MAP7D1: variants seen among roughly 807,000 people sequenced by gnomAD.
MAP7D1 encodes the protein MAP7 domain containing 1.
Under a neutral mutation model 97.5 loss-of-function variants are expected in MAP7D1, and 30 were observed. That is an observed-to-expected ratio of 0.31 (90% confidence interval 0.23 to 0.42). MAP7D1 has a LOEUF of 0.42. Ranked by LOEUF, MAP7D1 falls within the 10% of genes least tolerant of loss-of-function variation. The pLI is 1.00. For missense variants in MAP7D1, 1,184 were observed against 1,179.5 expected, an observed-to-expected ratio of 1.00 and a Z score of -0.06; for synonymous variants, 536 against 477.1, an observed-to-expected ratio of 1.12 and a Z score of -1.61.
At chr1:36,161,910 T>A (rs12239824) in intron 1 of MAP7D1, among the ~76,000 whole-genome samples, 1,857 of 105,582 alleles carry the variant, frequency 0.018, 16 homozygotes, top group African/African-American at 0.02. Flanking sequence ...TGTGTGTGTG[T>A]GAGAGAGAGA....
chr1:36,175,754 G>A (rs1384205064), intron 6 of MAP7D1, among the ~76,000 whole-genome samples: 1 of 152,208 alleles, frequency 6.6e-6, no homozygotes, highest in Non-Finnish European at 1.5e-5. Flanking sequence ...CCTGGCACAG[G>A]ACTGCTAAAA....
At chr1:36,171,380 C>A (rs1644541111) in intron 2 of MAP7D1, 65 bp downstream of exon 2, 1 of 1,537,840 alleles carries the variant, frequency 6.5e-7, no homozygotes, top group African/African-American at 1.4e-5. Flanking sequence ...CTGGATCATG[C>A]CAACTGAAAG....
intron 3 of MAP7D1, 70 bp downstream of exon 3, chr1:36,171,651 GC>G: frequency 1.3e-6 from 2 of 1,553,454 alleles, no homozygotes; most frequent in Non-Finnish European, 1.8e-6. Flanking sequence ...ACACCAACAG[GC>G]TGGGGCGCAG....
intron 1 of MAP7D1, among the ~76,000 whole-genome samples, chr1:36,164,941 C>T (rs1255183704): frequency 1.3e-5 from 2 of 152,184 alleles, no homozygotes; most frequent in South Asian, 2.1e-4. Flanking sequence ...GTGCCAGGCT[C>T]TGTTGGCCCT....
chr1:36,178,917 G>A lies in MAP7D1; in HGVS notation c.2026-4G>A. The A allele has an allele frequency of 6.4e-7, 1 of 1,553,456 alleles. No homozygotes were observed. The highest frequency in any genetic ancestry group is 1.2e-5 in the South Asian group (1 of 84,198). The stretch of plus-strand genomic sequence containing the variant: ...TGCCCCACGCTCATGGGGGTCTTTG[G>A]CAGAAAGAGGAGGCCGAAGCTCGGT... On this transcript the variant is annotated splice_polypyrimidine_tract_variant and splice_region_variant and intron_variant, in intron 11 of 16. Transcript: ENST00000474796.
At position 36,178,813 on chromosome 1, in the gene MAP7D1, T is replaced by A; in HGVS notation, c.2015T>A (p.Leu672Gln). The A allele has an allele frequency of 5.2e-6, 8 of 1,544,284 alleles. 1 individual carries two copies. The South Asian group carries it at 9.5e-5, about 18-fold the overall frequency. The change falls in exon 11 of 17, where the codon CTG (leucine) becomes CAG (glutamine). Residue 672 changes from leucine (L) to glutamine (Q), a missense_variant. Physicochemically the swap from Leu to Gln is moderately radical, Grantham distance 113. Coordinates refer to ENST00000474796, the MANE Select transcript of MAP7D1 (RefSeq NM_001388490.1). ...GCCGAGCAGGAGGAGCAGGAGCGGCTGCAGAAGCAGGTGCCCCCGGCGGGC... is the reference window on the plus strand; with the variant it reads ...GCCGAGCAGGAGGAGCAGGAGCGGCAGCAGAAGCAGGTGCCCCCGGCGGGC... ...AQAEQEEQER[L>Q]QKQKEEAEAR... is the part of the protein sequence containing the mutation.
At chr1:36,179,092 G>A (rs1644677369) in intron 12 of MAP7D1, 67 bp downstream of exon 12, 1 of 1,520,320 alleles carries the variant, frequency 6.6e-7, no homozygotes, top group Admixed American at 2.0e-5. Context: ...GGCGGGGCCT[G>A]GGCTTAGAGC....
chr1:36,170,982 A>T lies in MAP7D1; in HGVS notation c.58A>T (p.Arg20Trp). The T allele has an allele frequency of 7.0e-7, 1 of 1,426,856 alleles. No homozygotes were observed. Among genetic ancestry groups the T allele is most frequent in the Non-Finnish European group, 9.8e-7 (1 of 1,024,126 alleles). The allele number at this position is 1,426,856 out of a possible 1,614,324, so 88.4% of individuals were successfully genotyped here. A position where few individuals can be genotyped will look rare whatever the true frequency, so the allele number is the denominator to read the frequency against. Reference sequence around the variant, plus strand: ...TGTTGGTCTTTCAGCTGTGGTCGCCAGGACCCCCCCAGAGCCAAGACCTTC... The same window carrying T: ...TGTTGGTCTTTCAGCTGTGGTCGCCTGGACCCCCCCAGAGCCAAGACCTTC... ...GAGAPPAVVA[R>W]TPPEPRPSPE... is the part of the protein sequence containing the mutation. The change falls in exon 2 of 17, where the codon AGG becomes TGG. Residue 20 changes from arginine to tryptophan, a missense_variant. Arg to Trp is a moderately radical substitution (Grantham distance 101, BLOSUM62 -3). Coordinates refer to ENST00000474796, the MANE Select transcript of MAP7D1 (RefSeq NM_001388490.1).
rs1168306327 is a variant in MAP7D1 at position 36,176,051 on chromosome 1, G to C, written c.851-148G>C. Reference sequence around the variant, plus strand: ...GAAGTCCAGATCATAGGGAGGACAAGTGTGGCCCCGGTGTGATTGTGGGGA... The same window carrying C: ...GAAGTCCAGATCATAGGGAGGACAACTGTGGCCCCGGTGTGATTGTGGGGA... On this transcript the variant is annotated intron_variant, in intron 6 of 16. Coordinates refer to ENST00000474796, the MANE Select transcript of MAP7D1 (RefSeq NM_001388490.1). The surrounding 1 kb of genome is among the most constrained non-coding windows in gnomAD (Gnocchi z 6.1). The C allele has an allele frequency of 8.9e-6, 7 of 788,896 alleles. No homozygotes were observed. Among genetic ancestry groups the C allele is most frequent in the East Asian group, 3.1e-5 (1 of 32,460 alleles). 48.9% of individuals were successfully genotyped at this position (788,896 alleles called of 1,614,324 possible). A position where few individuals can be genotyped will look rare whatever the true frequency, so the allele number is the denominator to read the frequency against.
At chr1:36,156,935 C>T (rs1210869724) in intron 1 of MAP7D1, among the ~76,000 whole-genome samples, 1 of 152,126 alleles carries the variant, frequency 6.6e-6, no homozygotes, top group Admixed American at 6.5e-5. Context: ...CCTTAGTGCC[C>T]GTACCCTCAG....
intron 1 of MAP7D1, among the ~76,000 whole-genome samples, chr1:36,158,395 C>T (rs184546277): frequency 2.6e-5 from 4 of 152,196 alleles, no homozygotes; most frequent in South Asian, 2.1e-4. Context: ...CCTGACACTC[C>T]GAGAGCATGT....
Position 36,159,126 on chromosome 1 carries a change from C to T in MAP7D1, c.46+2663C>T, listed in dbSNP as rs989186989. Among the ~76,000 whole-genome samples, 11 of 152,008 alleles carry T rather than the reference C, an allele frequency of 7.2e-5. No individual in the cohort carries two copies. Among genetic ancestry groups the T allele is most frequent in the South Asian group, 2.1e-4 (1 of 4,816 alleles). On this transcript the variant is annotated intron_variant, in intron 1 of 16. Transcript: ENST00000474796. This position sits in a 1 kb window ranked among gnomAD's most constrained non-coding sequence, Gnocchi z 5.4. ...AGGCTGGAGTGCAATGCCACGATCT[C>T]GGCACACTGCAACCTCCGCCTCCCA...
In MAP7D1 at chr1:36,176,458, G is replaced by A; in HGVS notation, c.1110G>A (p.Leu370=). ...CGCGCTCGGCCTCCGCCAGCCCCCT[G>A]ACGCCGTGCAGCGTCACCCGAAGCG... The part of the protein sequence containing the change: ...VCPRSASASP[L]TPCSVTRSVH... Residue 370 remains leucine (L), a synonymous_variant, in exon 7 of 17, where the codon CTG becomes CTA. Transcript: ENST00000474796. The surrounding 1 kb of genome is among the most constrained non-coding windows in gnomAD (Gnocchi z 6.1). 2.7e-6 allele frequency: 4 copies of A among 1,503,620 alleles called. No individual in the cohort carries two copies. The highest frequency in any genetic ancestry group is 3.5e-6 in the Non-Finnish European group (4 of 1,133,588). The allele number at this position is 1,503,620 out of a possible 1,614,324, so 93.1% of individuals were successfully genotyped here.
rs555178763 is a variant in MAP7D1, at chr1:36,169,497, G to A, written c.47-1474G>A. Among the ~76,000 whole-genome samples the A allele has an allele frequency of 9.2e-5, 14 of 152,012 alleles. No homozygotes were observed. In the East Asian group the frequency reaches 1.5e-3, roughly 17 times the overall value. The stretch of plus-strand genomic sequence containing the variant: ...GGTGAACCCAGGAGGCGGAGCTTGC[G>A]GTGAGCCCAGATTGCGCCACTGCAC... On this transcript the variant is annotated intron_variant, in intron 1 of 16. Coordinates refer to ENST00000474796, the MANE Select transcript of MAP7D1 (RefSeq NM_001388490.1).
At position 36,156,382 on chromosome 1, in the gene MAP7D1, C is replaced by CGCT; in HGVS notation, c.-34_-32dup. ...GGCCACTGGCCGCCGCCGCCGCCGC[C>CGCT]GCTGAGACCCCGAGACCCCCAGTGA... On this transcript the variant is annotated 5_prime_UTR_variant, in exon 1 of 17. It removes the in-frame stop codon of an upstream open reading frame in the 5' UTR. Coordinates refer to ENST00000474796, the MANE Select transcript of MAP7D1 (RefSeq NM_001388490.1). The CGCT allele has an allele frequency of 6.8e-7, 1 of 1,480,832 alleles. No homozygotes were observed. The highest frequency in any genetic ancestry group is 8.9e-7 in the Non-Finnish European group (1 of 1,122,296). The allele number at this position is 1,480,832 out of a possible 1,614,324, so 91.7% of individuals were successfully genotyped here. A position where few individuals can be genotyped will look rare whatever the true frequency, so the allele number is the denominator to read the frequency against.
At position 36,156,326 on chromosome 1, in the gene MAP7D1, C is replaced by G; in HGVS notation, c.-92C>G. The G allele has an allele frequency of 8.8e-7, 1 of 1,139,454 alleles. No individual in the cohort carries two copies. Among genetic ancestry groups the G allele is most frequent in the South Asian group, 1.8e-5 (1 of 55,760 alleles). The allele number at this position is 1,139,454 out of a possible 1,614,324, so 70.6% of individuals were successfully genotyped here. On this transcript the variant is annotated 5_prime_UTR_variant, in exon 1 of 17. Coordinates refer to ENST00000474796, the MANE Select transcript of MAP7D1 (RefSeq NM_001388490.1). ...CGCTACTTGCCGGGCCGGGCCGGGCCGGGCGTGATGCGCCGCGGGACCCCT... is the reference window on the plus strand; with the variant it reads ...CGCTACTTGCCGGGCCGGGCCGGGCGGGGCGTGATGCGCCGCGGGACCCCT...
At chr1:36,171,807 C>G in intron 3 of MAP7D1, 1 of 387,422 alleles carries the variant, frequency 2.6e-6, no homozygotes. Flanking sequence ...GGTGGCACAT[C>G]CCTGTAATCC....
At chr1:36,167,707 C>T (rs61775895) in intron 1 of MAP7D1, among the ~76,000 whole-genome samples, 2,130 of 152,308 alleles carry the variant, frequency 0.014, 26 homozygotes, top group Middle Eastern at 0.048. Flanking sequence ...AGCCTGTGAC[C>T]TTTCTGCTCC....
chr1:36,177,983 C>G lies in MAP7D1; in HGVS notation c.1490C>G (p.Pro497Arg). 1 of 1,610,662 alleles carries G rather than the reference C, an allele frequency of 6.2e-7. No individual in the cohort carries two copies. Among genetic ancestry groups the G allele is most frequent in the Non-Finnish European group, 8.5e-7 (1 of 1,177,570 alleles). The stretch of plus-strand genomic sequence containing the variant: ...ACTCTGCCTCCAAAGCCACCGTCCC[C>G]CCGAGGCACCACTGCATCCCCCAAG... ...GHTLPPKPPS[P>R]RGTTASPKGR... Residue 497 changes from proline to arginine, a missense_variant, in exon 9 of 17, where the codon CCC becomes CGC. Pro to Arg is a moderately radical substitution (Grantham distance 103). Transcript: ENST00000474796.
Sources: gnomAD v4.1 joint callset for allele counts (sites outside exome capture counted in the v4.1 genomes callset) on GRCh38, gnomAD v4.1.1 for gene constraint, Gnocchi (gnomAD v3.1) non-coding constraint, MANE v1.5 for transcripts, NCBI Gene and HGNC (gene_info 2026-07-23, HGNC 2026-07-21) for gene names.